The following SOX6 variants were observed in gnomAD, a reference collection of about 807,000 sequenced individuals.
SOX6 encodes the protein transcription factor SOX-6.
In SOX6, 11 loss-of-function variants were observed where a neutral mutation model predicts 97.8. The ratio of observed to expected loss-of-function variants is 0.11; its 90% CI spans 0.07 to 0.19. The LOEUF (loss-of-function observed/expected upper bound fraction) is 0.19. Among genes scored for constraint, SOX6 ranks in the 10% least tolerant of loss-of-function variants. SOX6 has a pLI of 1.00. For synonymous variants in SOX6, 360 were observed against 371.4 expected (o/e 0.97, Z 0.35); for missense variants, 810 against 1,039.5 (o/e 0.78, Z 3.04).
chr11:16,145,881 G>A lies in SOX6; in HGVS notation c.778-33958C>T, dbSNP rs1188970447. On this transcript the variant is annotated intron_variant, in intron 6 of 15. Coordinates refer to ENST00000683767, the MANE Select transcript of SOX6 (RefSeq NM_001367873.1). ...ACAAACAAATGGAAGAACATTCCAC[G>A]CTCATGGGTAGGAAGAATCAATATC... 4.6e-5 allele frequency among the ~76,000 whole-genome samples: 7 copies of A among 152,258 alleles called. No homozygotes were observed. In the East Asian group the frequency reaches 7.7e-4, roughly 17 times the overall value.
At chr11:16,405,595 T>G (rs1379164782) in intron 1 of SOX6, among the ~76,000 whole-genome samples, 1 of 152,032 alleles carries the variant, frequency 6.6e-6, no homozygotes, top group Non-Finnish European at 1.5e-5. Flanking sequence ...GTAAATGAAA[T>G]AGCAATACTA....
chr11:16,458,753 G>T (rs1859861392), intron 1 of SOX6, among the ~76,000 whole-genome samples: 1 of 151,970 alleles, frequency 6.6e-6, no homozygotes, highest in Non-Finnish European at 1.5e-5. Flanking sequence ...CAAAATACAT[G>T]AAAACAGGAA....
At chr11:16,584,731 G>C (rs937693736) in intron 4 of SOX6, among the ~76,000 whole-genome samples, 3 of 152,096 alleles carry the variant, frequency 2.0e-5, no homozygotes, top group Non-Finnish European at 4.4e-5. Context: ...AGACACTGGG[G>C]TCCACATCAA....
intron 3 of SOX6, among the ~76,000 whole-genome samples, chr11:16,636,319 G>T (rs1185600014): frequency 6.6e-6 from 1 of 152,152 alleles, no homozygotes; most frequent in Non-Finnish European, 1.5e-5. Context: ...TTTAAGATTT[G>T]ACTGTCCCAC....
intron 12 of SOX6, among the ~76,000 whole-genome samples, chr11:16,033,008 A>C (rs544971282): frequency 6.6e-6 from 1 of 152,214 alleles, no homozygotes; most frequent in Admixed American, 6.5e-5. Flanking sequence ...CATTTGGCAC[A>C]CAGACCCTCT....
intron 4 of SOX6, among the ~76,000 whole-genome samples, chr11:16,515,212 T>C (rs2133155252): frequency 6.6e-6 from 1 of 152,230 alleles, no homozygotes; most frequent in South Asian, 2.1e-4. Context: ...GCACCTGTTG[T>C]TTCCTGACTT....
chr11:16,639,959 G>A (rs887464183), intron 3 of SOX6, among the ~76,000 whole-genome samples: 1 of 152,116 alleles, frequency 6.6e-6, no homozygotes, highest in Non-Finnish European at 1.5e-5. Flanking sequence ...GAATAGGAGT[G>A]GTGAGAGAGG....
intron 6 of SOX6, among the ~76,000 whole-genome samples, chr11:16,145,745 T>C (rs1364566797): frequency 6.6e-6 from 1 of 152,112 alleles, no homozygotes; most frequent in Non-Finnish European, 1.5e-5. Context: ...TGAACTCCCA[T>C]TCACAATTGC....
intron 3 of SOX6, chr11:16,252,590 T>C (rs1423675069): frequency 6.6e-6 from 1 of 152,280 alleles, no homozygotes; most frequent in Non-Finnish European, 1.5e-5. Context: ...AAAATTCCCG[T>C]GTGATTCCAG....
rs569319196 is a variant in SOX6, at chr11:16,384,364, T to C, written c.-4-43112A>G. On this transcript the variant is annotated intron_variant, in intron 1 of 15. Transcript: ENST00000396356. ...GAGTTCCCTGTTCAAATCACCTCCA[T>C]GACATCCTAGAAGAATAAAGGTATT... Among the ~76,000 whole-genome samples, 10 of 151,796 alleles carry C rather than the reference T, an allele frequency of 6.6e-5. No homozygotes were observed. In the South Asian group the frequency reaches 2.1e-3, roughly 31 times the overall value.
rs1848960167 is a variant in SOX6 at position 16,643,554 on chromosome 11, G to C, written n.430-31294C>G. Among the ~76,000 whole-genome samples, 3 of 152,180 alleles carry C rather than the reference G, an allele frequency of 2.0e-5. No individual in the cohort carries two copies. In the South Asian group the frequency reaches 6.2e-4, roughly 32 times the overall value. ...AGGCAGGCCTCCTTGACCTGTGGTG[G>C]GTTCCACCCAGTTCAAGCTTCCCAG... On this transcript the variant is annotated intron_variant and non_coding_transcript_variant, in intron 3 of 5. Coordinates refer to the SOX6 transcript ENST00000524520.
At chr11:16,109,675 C>T (rs1334805082) in intron 7 of SOX6, among the ~76,000 whole-genome samples, 4 of 152,086 alleles carry the variant, frequency 2.6e-5, no homozygotes, top group Non-Finnish European at 5.9e-5. Flanking sequence ...CTACTAATAG[C>T]GTAAGAACAT....
chr11:16,598,143 TTACA>T (rs1376981114), intron 4 of SOX6, among the ~76,000 whole-genome samples: 1 of 152,028 alleles, frequency 6.6e-6, no homozygotes, highest in Non-Finnish European at 1.5e-5. Context: ...GCTTAGTGCT[TTACA>T]TTCGTTTATC....
chr11:16,497,659 AC>A (rs1860624896), intron 4 of SOX6, among the ~76,000 whole-genome samples: 1 of 152,246 alleles, frequency 6.6e-6, no homozygotes, highest in Non-Finnish European at 1.5e-5. Context: ...CATGAGAACT[AC>A]GTGACGAATG....
chr11:15,999,459 T>C (rs1421872803), intron 13 of SOX6, among the ~76,000 whole-genome samples: 2 of 152,130 alleles, frequency 1.3e-5, no homozygotes, highest in African/African-American at 4.8e-5. Context: ...AATGAACAAA[T>C]TGTGATATAT....
chr11:16,106,624 TA>T (rs1232389256), intron 7 of SOX6, among the ~76,000 whole-genome samples: 1 of 151,792 alleles, frequency 6.6e-6, no homozygotes, highest in African/African-American at 2.4e-5. Context: ...ACTTAGAAGC[TA>T]AAAAAACTAA....
intron 4 of SOX6, among the ~76,000 whole-genome samples, chr11:16,534,810 G>A (rs932463433): frequency 1.3e-5 from 2 of 152,124 alleles, no homozygotes; most frequent in Non-Finnish European, 2.9e-5. Flanking sequence ...ATTTAGAAAA[G>A]CTTCGTCCAT....
chr11:16,579,047 T>G (rs1335418308), intron 4 of SOX6, among the ~76,000 whole-genome samples: 3 of 152,038 alleles, frequency 2.0e-5, no homozygotes, highest in African/African-American at 4.8e-5. Context: ...TATCCCAAAA[T>G]CCAATGACAA....
intron 3 of SOX6, among the ~76,000 whole-genome samples, chr11:16,626,034 G>C (rs902002851): frequency 2.0e-5 from 3 of 152,168 alleles, no homozygotes; most frequent in African/African-American, 7.2e-5. Context: ...GGTGGTGGCA[G>C]TTTTTTGGGA....
Sources: allele counts gnomAD v4.1 joint callset (sites outside exome capture counted in the v4.1 genomes callset), GRCh38; gene constraint gnomAD v4.1.1; transcripts MANE v1.5; gene names NCBI Gene and HGNC (gene_info 2026-07-23, HGNC 2026-07-21).